Variants in RBL1 observed in about 807,000 individuals in gnomAD.
RBL1 encodes the protein retinoblastoma-like protein 1.
A neutral mutation model predicts 123.0 loss-of-function variants in RBL1; 82 were observed. The ratio of observed to expected loss-of-function variants is 0.67; its 90% CI spans 0.56 to 0.80. RBL1 has a LOEUF of 0.80. RBL1 is among the 30% of genes least tolerant of loss of function. RBL1 has a pLI of 0.00. For synonymous variants in RBL1, 405 were observed against 441.3 expected, an observed-to-expected ratio of 0.92 and a Z score of 1.03; for missense variants, 1,171 against 1,299.6, an observed-to-expected ratio of 0.90 and a Z score of 1.52.
At chr20:37,063,063 A>C (rs1421589985) in intron 7 of RBL1, among the ~76,000 whole-genome samples, 1 of 152,188 alleles carries the variant, frequency 6.6e-6, no homozygotes, top group East Asian at 1.9e-4. Flanking sequence ...TCTGTTTATG[A>C]GTTTCTCAAG....
chr20:37,036,980 A>G (rs1036304500), intron 14 of RBL1, among the ~76,000 whole-genome samples: 1 of 152,178 alleles, frequency 6.6e-6, no homozygotes, highest in African/African-American at 2.4e-5. Flanking sequence ...CCTGGCAATG[A>G]TTTAGAAGCT....
At position 37,063,503 on chromosome 20, in the gene RBL1, C is replaced by T. The variant is rs150772218; in HGVS notation, c.897-1233G>A. Among the ~76,000 whole-genome samples the T allele has an allele frequency of 2.7e-3, 416 of 152,048 alleles. 2 individuals are homozygous for T. Among genetic ancestry groups the T allele is most frequent in the African/African-American group, 9.3e-3 (387 of 41,456 alleles). ...ATCTCTAAAAAAATAAAAATAAATACGTGTCAATGATTTTTTTTCTTTAAT... is the reference window on the plus strand; with the variant it reads ...ATCTCTAAAAAAATAAAAATAAATATGTGTCAATGATTTTTTTTCTTTAAT... On this transcript the variant is annotated intron_variant, in intron 7 of 21. Transcript: ENST00000373664.
At position 37,022,800 on chromosome 20, in the gene RBL1, T is replaced by C. The variant is rs1389076706; in HGVS notation, c.2409A>G (p.Leu803=). Residue 803 remains leucine (L), a synonymous_variant, in exon 17 of 22, where the codon TTA becomes TTG. Coordinates refer to ENST00000373664, the MANE Select transcript of RBL1 (RefSeq NM_002895.5). The stretch of plus-strand genomic sequence containing the variant: ...CATCCAGTTTTAGACATAGATCACG[T>C]AAGCGTACACTTGCCAAATGATAGA... ...RKVYHLASVR[L]RDLCLKLDVS... 6.2e-7 allele frequency: 1 copy of C among 1,612,768 alleles called. No homozygotes were observed. Among genetic ancestry groups the C allele is most frequent in the East Asian group, 2.2e-5 (1 of 44,884 alleles).
intron 20 of RBL1, 121 bp downstream of exon 20, chr20:37,007,290 C>A: frequency 9.7e-7 from 1 of 1,027,206 alleles, no homozygotes; most frequent in Non-Finnish European, 1.4e-6. Flanking sequence ...GATTAAGTTA[C>A]TGGACATGCT....
At chr20:37,090,770 T>C (rs2065634051) in intron 1 of RBL1, among the ~76,000 whole-genome samples, 1 of 152,232 alleles carries the variant, frequency 6.6e-6, no homozygotes, top group South Asian at 2.1e-4. Context: ...AGCATGTTAC[T>C]ATACTAAATA....
intron 21 of RBL1, 121 bp downstream of exon 21, chr20:37,003,581 A>C: frequency 1.5e-6 from 2 of 1,344,710 alleles, no homozygotes; most frequent in South Asian, 4.2e-5. Context: ...TGCCATAGTT[A>C]ACATTTCATA....
chr20:37,069,936 C>G (rs1330995018), intron 2 of RBL1, among the ~76,000 whole-genome samples: 4 of 151,988 alleles, frequency 2.6e-5, no homozygotes, highest in Non-Finnish European at 5.9e-5. Context: ...GTGAGGAGCC[C>G]CTCTGCCCGG....
At chr20:37,065,649 CT>C (rs11475348) in intron 6 of RBL1, among the ~76,000 whole-genome samples, 176 bp from the exon 7 acceptor site, 20,497 of 143,966 alleles carry the variant, frequency 0.14, 1,920 homozygotes, top group East Asian at 0.48. Context: ...TTTTTTTTAA[CT>C]TTTTTTTTTT....
intron 21 of RBL1, 54 bp from the exon 22 acceptor site, chr20:36,998,983 G>C (rs2063920832): frequency 6.6e-7 from 1 of 1,513,998 alleles, no homozygotes; most frequent in Middle Eastern, 1.7e-4. Flanking sequence ...GGAAATGGCA[G>C]CAAACAACCA....
intron 19 of RBL1, among the ~76,000 whole-genome samples, chr20:37,010,141 T>G (rs2064129095): frequency 6.6e-6 from 1 of 151,972 alleles, no homozygotes; most frequent in South Asian, 2.1e-4. Context: ...GAGGATCACT[T>G]GAGCCCAAGA....
intron 20 of RBL1, 88 bp from the exon 21 acceptor site, chr20:37,003,954 T>G: frequency 8.1e-7 from 1 of 1,233,780 alleles, no homozygotes; most frequent in Middle Eastern, 2.5e-4. Flanking sequence ...TATCTTCTAG[T>G]TAGAAAACAG....
intron 19 of RBL1, among the ~76,000 whole-genome samples, chr20:37,012,771 C>T (rs1487531407): frequency 1.3e-5 from 2 of 150,898 alleles, no homozygotes; most frequent in Non-Finnish European, 3.0e-5. Context: ...GCCAGCCACC[C>T]AGTCCGGGAG....
At position 37,040,272 on chromosome 20, in the gene RBL1, T is replaced by C; in HGVS notation, c.1784A>G (p.Asn595Ser). Residue 595 changes from asparagine (N) to serine (S), a missense_variant, in exon 14 of 22, where the codon AAT (asparagine) becomes AGT (serine). Asn to Ser is a conservative substitution (Grantham distance 46). Transcript: ENST00000373664. ...TCCTCCATTTCCTGTTTCAAAGTTA[T>C]TTGGGAATATAACCTGTAGAAAACA... is the stretch of plus-strand genomic sequence containing the variant. ...VPTCEEVIFP[N>S]NFETGNGGNV... 6.2e-7 allele frequency: 1 copy of C among 1,614,060 alleles called. No individual in the cohort carries two copies. Among genetic ancestry groups the C allele is most frequent in the Non-Finnish European group, 8.5e-7 (1 of 1,179,946 alleles).
chr20:37,031,261 C>T (rs983122722), intron 16 of RBL1, among the ~76,000 whole-genome samples: 2 of 152,046 alleles, frequency 1.3e-5, no homozygotes, highest in African/African-American at 4.8e-5. Context: ...AGGCAACCCA[C>T]AGAATGGGAG....
chr20:37,010,244 A>G (rs943723005), intron 19 of RBL1, among the ~76,000 whole-genome samples: 14 of 151,826 alleles, frequency 9.2e-5, no homozygotes, highest in Non-Finnish European at 1.9e-4. Flanking sequence ...CCGGCCAGAA[A>G]TGGGTTTTTA....
In RBL1 at chr20:37,089,033, G is replaced by A. The variant is rs1276364445; in HGVS notation, c.246C>T (p.Gly82=). The change falls in exon 2 of 22, where the codon GGC becomes GGT. Residue 82 remains glycine (G), a synonymous_variant. Coordinates refer to ENST00000373664, the MANE Select transcript of RBL1 (RefSeq NM_002895.5). ...IPTVGKGIME[G]NCVSLTRILR... Reference sequence around the variant, plus strand: ...GTATTCTGGTAAGTGAAACACAGTTGCCTTCCATGATACCCTTTCCAACCG... The same window carrying A: ...GTATTCTGGTAAGTGAAACACAGTTACCTTCCATGATACCCTTTCCAACCG... 6.2e-7 allele frequency: 1 copy of A among 1,612,126 alleles called. No homozygotes were observed.
At chr20:37,073,434 A>G (rs949889637) in intron 2 of RBL1, among the ~76,000 whole-genome samples, 1 of 152,086 alleles carries the variant, frequency 6.6e-6, no homozygotes, top group African/African-American at 2.4e-5. Flanking sequence ...GTGGTGGCTC[A>G]TATCTGTAAT....
chr20:37,008,462 T>C (rs2064107908), intron 19 of RBL1, among the ~76,000 whole-genome samples: 1 of 152,190 alleles, frequency 6.6e-6, no homozygotes, highest in South Asian at 2.1e-4. Flanking sequence ...AATAACAGCT[T>C]ACCCCAACAT....
In RBL1 at chr20:37,032,727, C is replaced by T. The variant is rs1275054252; in HGVS notation, c.2320G>A (p.Val774Ile). 2 of 1,614,026 alleles carry T rather than the reference C, an allele frequency of 1.2e-6. No individual in the cohort carries two copies. The highest frequency in any genetic ancestry group is 1.7e-6 in the Non-Finnish European group (2 of 1,179,994). The change falls in exon 16 of 22, where the codon GTA (valine) becomes ATA (isoleucine). Residue 774 changes from valine (V) to isoleucine (I), a missense_variant. Coordinates refer to ENST00000373664, the MANE Select transcript of RBL1 (RefSeq NM_002895.5). ...GGCCTGTTTATTCCAGTTGAATGTA[C>T]CTCTTGTGCTTTAGTCAGATTGGTC... ...KQTNLTKAQE[V>I]HSTGINRPKR...
Sources: gnomAD v4.1 joint callset for allele counts (sites outside exome capture counted in the v4.1 genomes callset) on GRCh38, gnomAD v4.1.1 for gene constraint, MANE v1.5 for transcripts, NCBI Gene and HGNC (gene_info 2026-07-23, HGNC 2026-07-21) for gene names.